The following MAGI2 variants were observed in gnomAD, a reference collection of about 807,000 sequenced individuals.
The protein encoded by MAGI2 is membrane associated guanylate kinase, WW and PDZ domain containing 2.
MAGI2 carries 35 observed loss-of-function variants against 133.3 expected under a neutral mutation model. The ratio of observed to expected loss-of-function variants is 0.26; its 90% CI spans 0.20 to 0.35. MAGI2 has a LOEUF of 0.35. Among genes scored for constraint, MAGI2 ranks in the 10% least tolerant of loss-of-function variants. MAGI2 has a pLI of 1.00. For missense variants in MAGI2, 1,636 were observed against 1,863.4 expected (o/e 0.88, Z 2.25); for synonymous variants, 729 against 710.6 (o/e 1.03, Z -0.41).
intron 6 of MAGI2, among the ~76,000 whole-genome samples, chr7:78,449,511 C>T (rs1281863181): frequency 6.6e-6 from 1 of 152,086 alleles, no homozygotes; most frequent in Non-Finnish European, 1.5e-5. Context: ...AATTTTGACT[C>T]AATACCATTG....
At position 78,548,032 on chromosome 7, in the gene MAGI2, T is replaced by C. The variant is rs117797388; in HGVS notation, c.539-26387A>G. Among the ~76,000 whole-genome samples the C allele has an allele frequency of 2.7e-4, 41 of 152,310 alleles. No homozygotes were observed. In the East Asian group the frequency reaches 6.4e-3, roughly 24 times the overall value. Reference sequence around the variant, plus strand: ...TTAATACAATATCTTTAAATTGCCCTAGCTCATGGTAACCTATCAACTTCC... The same window carrying C: ...TTAATACAATATCTTTAAATTGCCCCAGCTCATGGTAACCTATCAACTTCC... On this transcript the variant is annotated intron_variant, in intron 3 of 21. Transcript: ENST00000354212.
At chr7:78,879,993 T>C (rs759458781) in intron 2 of MAGI2, among the ~76,000 whole-genome samples, 24 of 152,064 alleles carry the variant, frequency 1.6e-4, no homozygotes, top group Non-Finnish European at 2.4e-4. Flanking sequence ...GGGACTGATC[T>C]TTCATACTAA....
intron 2 of MAGI2, among the ~76,000 whole-genome samples, chr7:78,751,739 T>A (rs1403641478): frequency 6.6e-6 from 1 of 152,172 alleles, no homozygotes; most frequent in Admixed American, 6.5e-5. Flanking sequence ...AATATATGAT[T>A]ATCTGGAAGC....
intron 2 of MAGI2, among the ~76,000 whole-genome samples, chr7:78,634,924 ATTC>A (rs1809466605): frequency 6.6e-6 from 1 of 152,128 alleles, no homozygotes; most frequent in Admixed American, 6.5e-5. Flanking sequence ...TATATATTTT[ATTC>A]TTATTATTTA....
At position 79,270,901 on chromosome 7, in the gene MAGI2, A is replaced by G. The variant is rs142532098; in HGVS notation, c.301+182119T>C. ...ATTTCAGCTACATTTGACACTACCA[A>G]TTTACCACTGTTTTGAAACTGCTCT... On this transcript the variant is annotated intron_variant, in intron 1 of 21. Coordinates refer to ENST00000354212, the MANE Select transcript of MAGI2 (RefSeq NM_012301.4). 3.1e-3 allele frequency among the ~76,000 whole-genome samples: 476 copies of G among 152,092 alleles called. 2 individuals carry two copies. The highest frequency in any genetic ancestry group is 0.011 in the African/African-American group (464 of 41,490).
chr7:78,181,481 G>A (rs928416075), intron 13 of MAGI2, among the ~76,000 whole-genome samples: 4 of 152,114 alleles, frequency 2.6e-5, no homozygotes, highest in Non-Finnish European at 5.9e-5. Flanking sequence ...CTCAGGTGTC[G>A]CTTAATGCAG....
At chr7:78,637,452 A>G (rs1478600006) in intron 2 of MAGI2, among the ~76,000 whole-genome samples, 2 of 152,152 alleles carry the variant, frequency 1.3e-5, no homozygotes, top group African/African-American at 2.4e-5. Flanking sequence ...ATAAGCATCT[A>G]ATGCAGAAGA....
At chr7:78,710,260 A>G (rs1258940256) in intron 2 of MAGI2, among the ~76,000 whole-genome samples, 1 of 152,140 alleles carries the variant, frequency 6.6e-6, no homozygotes, top group Non-Finnish European at 1.5e-5. Flanking sequence ...ACACAGCTAG[A>G]TAACCATCAA....
intron 2 of MAGI2, among the ~76,000 whole-genome samples, chr7:78,668,707 T>C (rs993606167): frequency 7.9e-5 from 12 of 152,036 alleles, no homozygotes; most frequent in Non-Finnish European, 1.3e-4. Context: ...AGTACGGAAA[T>C]TATAACAAAC....
chr7:78,886,097 T>C (rs765288407), intron 2 of MAGI2, among the ~76,000 whole-genome samples: 5 of 152,232 alleles, frequency 3.3e-5, no homozygotes, highest in Non-Finnish European at 2.9e-5. Flanking sequence ...CATCAACAAA[T>C]TGCCCAAAGC....
At position 78,136,918 on chromosome 7, in the gene MAGI2, G is replaced by A. The variant is rs139757391; in HGVS notation, c.2846-1712C>T. Reference sequence around the variant, plus strand: ...TAGATAGCATATGAAAATATTGGCTGAGCCTGTGTCCCTGAAGTGAAACTC... The same window carrying A: ...TAGATAGCATATGAAAATATTGGCTAAGCCTGTGTCCCTGAAGTGAAACTC... On this transcript the variant is annotated intron_variant, in intron 16 of 21. Coordinates refer to ENST00000354212, the MANE Select transcript of MAGI2 (RefSeq NM_012301.4). 4.5e-3 allele frequency among the ~76,000 whole-genome samples: 679 copies of A among 152,072 alleles called. 4 individuals carry two copies. The highest frequency in any genetic ancestry group is 4.4e-3 in the Non-Finnish European group (302 of 67,926).
intron 1 of MAGI2, among the ~76,000 whole-genome samples, chr7:79,199,519 G>T (rs1828399511): frequency 6.6e-6 from 1 of 151,946 alleles, no homozygotes; most frequent in Non-Finnish European, 1.5e-5. Flanking sequence ...AAAGGCAAAT[G>T]GTTGGTCTGG....
intron 6 of MAGI2, among the ~76,000 whole-genome samples, chr7:78,462,448 T>C (rs1408061107): frequency 6.6e-6 from 1 of 152,172 alleles, no homozygotes; most frequent in Non-Finnish European, 1.5e-5. Context: ...GACTTTAAAA[T>C]CTAACACTAG....
intron 1 of MAGI2, among the ~76,000 whole-genome samples, chr7:79,441,912 A>G (rs1415875413): frequency 6.6e-6 from 1 of 152,160 alleles, no homozygotes; most frequent in Non-Finnish European, 1.5e-5. Context: ...ACTCTGAGAC[A>G]TTTAAACCAA....
intron 2 of MAGI2, among the ~76,000 whole-genome samples, chr7:78,895,652 A>T (rs1797154990): frequency 6.6e-6 from 1 of 152,162 alleles, no homozygotes; most frequent in Admixed American, 6.5e-5. Context: ...TAAATGAAAG[A>T]TGAAGGCAAA....
intron 6 of MAGI2, among the ~76,000 whole-genome samples, chr7:78,489,537 GAC>G (rs1287168060): frequency 6.6e-6 from 1 of 152,068 alleles, no homozygotes; most frequent in Non-Finnish European, 1.5e-5. Context: ...CAACAGAGAT[GAC>G]AGAGATGTGA....
In MAGI2 at chr7:79,167,397, CAAA is replaced by C. The variant is rs10542271; in HGVS notation, c.302-160194_302-160192del. ...GTAAACTAACACCCCCCAAAAATGG[CAAA>C]AAAAAAAAAAAAAAAAAACTCCAGG... is the stretch of plus-strand genomic sequence containing the variant. On this transcript the variant is annotated intron_variant, in intron 1 of 21. Coordinates refer to ENST00000354212, the MANE Select transcript of MAGI2 (RefSeq NM_012301.4). 3.1e-3 allele frequency among the ~76,000 whole-genome samples: 260 copies of C among 84,742 alleles called. 1 individual carries two copies. Among genetic ancestry groups the C allele is most frequent in the African/African-American group, 9.4e-3 (231 of 24,510 alleles). 55.6% of individuals were successfully genotyped at this position (84,742 alleles called of 152,430 possible).
intron 2 of MAGI2, among the ~76,000 whole-genome samples, chr7:78,674,861 A>AC (rs1814818876): frequency 6.6e-6 from 1 of 152,164 alleles, no homozygotes; most frequent in African/African-American, 2.4e-5. Context: ...AAAGTTTTGA[A>AC]CACATACATA....
In MAGI2 at chr7:78,409,442, C is replaced by T. The variant is rs562687083; in HGVS notation, c.1046-40229G>A. Reference sequence around the variant, plus strand: ...CACGCCCAACAGATTCCAAAGCCTGCGCTTTCGCACTGTACTTCAGGGGCA... The same window carrying T: ...CACGCCCAACAGATTCCAAAGCCTGTGCTTTCGCACTGTACTTCAGGGGCA... On this transcript the variant is annotated intron_variant, in intron 6 of 21. Coordinates refer to ENST00000354212, the MANE Select transcript of MAGI2 (RefSeq NM_012301.4). Among the ~76,000 whole-genome samples the T allele has an allele frequency of 6.6e-5, 10 of 152,184 alleles. No homozygotes were observed. The East Asian group carries it at 7.7e-4, about 12-fold the overall frequency.
Sources: gnomAD v4.1 joint callset for allele counts (sites outside exome capture counted in the v4.1 genomes callset) on GRCh38, gnomAD v4.1.1 for gene constraint, MANE v1.5 for transcripts, NCBI Gene and HGNC (gene_info 2026-07-23, HGNC 2026-07-21) for gene names.